KANSL1L: variants seen among roughly 807,000 people sequenced by gnomAD.
KANSL1L encodes the protein KAT8 regulatory NSL complex subunit 1 like.
Under a neutral mutation model 108.6 loss-of-function variants are expected in KANSL1L, and 25 were observed. That is an observed-to-expected ratio of 0.23 (90% CI 0.17 to 0.32). The LOEUF (loss-of-function observed/expected upper bound fraction) is 0.32. Ranked by LOEUF, KANSL1L falls within the 10% of genes least tolerant of loss-of-function variation. KANSL1L has a pLI of 1.00. For missense variants in KANSL1L, 1,137 were observed against 1,125.7 expected (o/e 1.01, Z -0.14); for synonymous variants, 405 against 395.1 (o/e 1.03, Z -0.30).
chr2:210,088,392 T>C (rs1371258343), intron 5 of KANSL1L: 1 of 152,284 alleles, frequency 6.6e-6, no homozygotes, highest in Admixed American at 6.5e-5. Context: ...TGATCTGCTA[T>C]GTATTCTAGG....
intron 1 of KANSL1L, among the ~76,000 whole-genome samples, chr2:210,165,181 A>T (rs547765806): frequency 6.9e-6 from 1 of 144,526 alleles, no homozygotes; most frequent in Non-Finnish European, 1.6e-5. Context: ...TTTACTAAAA[A>T]AAAAACCAAA....
chr2:210,116,533 T>C (rs1472040199), intron 3 of KANSL1L, among the ~76,000 whole-genome samples: 1 of 152,038 alleles, frequency 6.6e-6, no homozygotes. Flanking sequence ...TCCAAGCAGC[T>C]CAGTACAGAG....
At chr2:210,126,098 G>A (rs905185817) in intron 3 of KANSL1L, among the ~76,000 whole-genome samples, 2 of 152,146 alleles carry the variant, frequency 1.3e-5, no homozygotes, top group Non-Finnish European at 2.9e-5. Flanking sequence ...TCAAAAATAT[G>A]TTCAAATTAA....
intron 7 of KANSL1L, among the ~76,000 whole-genome samples, chr2:210,042,274 A>C (rs1161050044): frequency 6.6e-6 from 1 of 152,278 alleles, no homozygotes; most frequent in East Asian, 1.9e-4. Flanking sequence ...ATTTATTTGT[A>C]TTTATACTCC....
At position 210,075,627 on chromosome 2, in the gene KANSL1L, G is replaced by T; in HGVS notation, c.1680C>A (p.Ala560=). The change falls in exon 6 of 15, where the codon GCC becomes GCA. Residue 560 remains alanine, a synonymous_variant. Coordinates refer to ENST00000281772, the MANE Select transcript of KANSL1L (RefSeq NM_152519.4). The part of the protein sequence containing the change: ...SSSLTFMSTS[A]RTRPLQSFHK... ...GGAAACTCTGAAGTGGCCTTGTTCG[G>T]GCTGATGTACTCATGAAAGTCAAGG... 1 of 1,613,924 alleles carries T rather than the reference G, an allele frequency of 6.2e-7. No homozygotes were observed. The highest frequency in any genetic ancestry group is 8.5e-7 in the Non-Finnish European group (1 of 1,179,902).
intron 2 of KANSL1L, among the ~76,000 whole-genome samples, chr2:210,144,764 G>T (rs1011291226): frequency 1.3e-5 from 2 of 152,088 alleles, no homozygotes; most frequent in Non-Finnish European, 2.9e-5. Flanking sequence ...AGTTTACTGA[G>T]CCACCTTAAA....
chr2:210,060,098 T>A lies in KANSL1L; in HGVS notation c.1755+15454A>T, dbSNP rs539524256. 3.3e-5 allele frequency among the ~76,000 whole-genome samples: 5 copies of A among 152,318 alleles called. No homozygotes were observed. The South Asian group carries it at 1.0e-3, about 32-fold the overall frequency. On this transcript the variant is annotated intron_variant, in intron 6 of 14. Coordinates refer to ENST00000281772, the MANE Select transcript of KANSL1L (RefSeq NM_152519.4). Reference sequence around the variant, plus strand: ...ATATCTTTATTTTTCTTTAAAATCTTCTATTATTTGTTCAAAAAAGTGGCC... The same window carrying A: ...ATATCTTTATTTTTCTTTAAAATCTACTATTATTTGTTCAAAAAAGTGGCC...
In KANSL1L at chr2:210,021,612, A is replaced by G. The variant is rs1013901581; in HGVS notation, c.*1337T>C. On this transcript the variant is annotated 3_prime_UTR_variant, in exon 15 of 15. Coordinates refer to ENST00000281772, the MANE Select transcript of KANSL1L (RefSeq NM_152519.4). ...ATTGAATTGAATTTTTTACCCCTTA[A>G]AAGGACTAGTATAATTTCCAATCTC... is the stretch of plus-strand genomic sequence containing the variant. 2.6e-5 allele frequency: 4 copies of G among 152,496 alleles called. No individual in the cohort carries two copies. The highest frequency in any genetic ancestry group is 9.7e-5 in the African/African-American group (4 of 41,432). 9.4% of individuals were successfully genotyped at this position (152,496 alleles called of 1,614,324 possible).
At position 210,044,838 on chromosome 2, in the gene KANSL1L, C is replaced by T. The variant is rs181504536; in HGVS notation, c.1756-734G>A. On this transcript the variant is annotated intron_variant, in intron 6 of 14. Transcript: ENST00000281772. This position sits in a 1 kb window ranked among gnomAD's most constrained non-coding sequence, Gnocchi z 4.2. ...AGACTAGAGTGCAGTGGCAGGATCTCGGCTCACTGCAACTTCTGCCTCCCG... is the reference window on the plus strand; with the variant it reads ...AGACTAGAGTGCAGTGGCAGGATCTTGGCTCACTGCAACTTCTGCCTCCCG... Among the ~76,000 whole-genome samples the T allele has an allele frequency of 2.5e-3, 373 of 152,202 alleles. No individual in the cohort carries two copies. Among genetic ancestry groups the T allele is most frequent in the African/African-American group, 7.7e-3 (319 of 41,530 alleles).
chr2:210,082,799 T>A (rs2094600713), intron 5 of KANSL1L, among the ~76,000 whole-genome samples: 1 of 152,136 alleles, frequency 6.6e-6, no homozygotes, highest in Admixed American at 6.6e-5. Flanking sequence ...TAAGTAAAAG[T>A]AGAAATAAAC....
intron 3 of KANSL1L, among the ~76,000 whole-genome samples, chr2:210,127,798 C>CAAAA (rs55979027): frequency 6.2e-3 from 173 of 27,904 alleles, no homozygotes; most frequent in Admixed American, 0.011. Context: ...GACTCTGCCT[C>CAAAA]AAAAAAAAAA....
chr2:210,104,046 G>T, intron 4 of KANSL1L, 58 bp downstream of exon 4: 1 of 1,340,790 alleles, frequency 7.5e-7, no homozygotes, highest in Non-Finnish European at 1.1e-6. Flanking sequence ...TATTTGAATA[G>T]TTTACAAAAT....
chr2:210,092,321 C>T (rs549961148), intron 5 of KANSL1L, among the ~76,000 whole-genome samples: 12 of 152,294 alleles, frequency 7.9e-5, no homozygotes, highest in African/African-American at 2.9e-4. Context: ...ATATTCTCTA[C>T]ATTTTAAAAT....
intron 2 of KANSL1L, among the ~76,000 whole-genome samples, chr2:210,135,864 G>A (rs16844150): frequency 0.012 from 1,877 of 152,142 alleles, 49 homozygotes; most frequent in African/African-American, 0.043. Flanking sequence ...CATTTAAAAT[G>A]TTCATTGTCT....
At chr2:210,157,464 G>A (rs2095339954) in intron 1 of KANSL1L, among the ~76,000 whole-genome samples, 2 of 151,820 alleles carry the variant, frequency 1.3e-5, no homozygotes, top group Admixed American at 6.6e-5. Flanking sequence ...GGGAAGTCAA[G>A]GTGAAGGATT....
intron 2 of KANSL1L, among the ~76,000 whole-genome samples, chr2:210,136,246 G>A (rs1290180975): frequency 1.3e-5 from 2 of 151,762 alleles, no homozygotes; most frequent in South Asian, 2.1e-4. Flanking sequence ...TATGGGATGG[G>A]CAAATTTAGT....
rs146755626 is a variant in KANSL1L, at chr2:210,086,253, G to A, written c.1551-10497C>T. Among the ~76,000 whole-genome samples the A allele has an allele frequency of 1.4e-4, 21 of 151,982 alleles. No individual in the cohort carries two copies. The East Asian group carries it at 3.9e-3, about 28-fold the overall frequency. ...TTAAAGCAAAAACAAAACAAACAAT[G>A]ACAAAAATCTAGACACTATTTCAAG... On this transcript the variant is annotated intron_variant, in intron 5 of 14. Coordinates refer to ENST00000281772, the MANE Select transcript of KANSL1L (RefSeq NM_152519.4).
chr2:210,082,613 T>C (rs576612927), intron 5 of KANSL1L, among the ~76,000 whole-genome samples: 1 of 152,306 alleles, frequency 6.6e-6, no homozygotes, highest in African/African-American at 2.4e-5. Context: ...ATATTACCAC[T>C]TCATGGTGCA....
At chr2:210,146,174 A>G (rs2095264451) in intron 2 of KANSL1L, among the ~76,000 whole-genome samples, 2 of 152,044 alleles carry the variant, frequency 1.3e-5, no homozygotes, top group Admixed American at 1.3e-4. Flanking sequence ...CCATCTCCAG[A>G]TGTCTCAGGT....
Sources: allele counts gnomAD v4.1 joint callset (sites outside exome capture counted in the v4.1 genomes callset), GRCh38; gene constraint gnomAD v4.1.1; non-coding constraint Gnocchi (gnomAD v3.1); transcripts MANE v1.5; gene names NCBI Gene and HGNC (gene_info 2026-07-23, HGNC 2026-07-21).